Variants in TMEM87A observed in about 807,000 individuals in gnomAD.
TMEM87A encodes the protein Golgi-pH regulating cation channel.
Under a neutral mutation model 90.0 loss-of-function variants are expected in TMEM87A, and 50 were observed. The ratio of observed to expected loss-of-function variants is 0.56; its 90% CI spans 0.44 to 0.70. The LOEUF (loss-of-function observed/expected upper bound fraction) is 0.70, where lower values mean the gene tolerates loss of function less well. Among genes scored for constraint, TMEM87A ranks in the 30% least tolerant of loss-of-function variants. The pLI is 0.00. For synonymous variants in TMEM87A, 226 were observed against 226.7 expected, an observed-to-expected ratio of 1.00 and a Z score of 0.03; for missense variants, 577 against 660.5, an observed-to-expected ratio of 0.87 and a Z score of 1.39.
Position 42,261,003 on chromosome 15 carries a change from CT to C in TMEM87A, c.460-2del. ...TAAGGTTTGTTCCATTCTCCTTAGC[CT>C]TTAAACATTAAAAAAATAATAATAA... On this transcript the variant is annotated splice_acceptor_variant, in intron 5 of 19. Transcript: ENST00000389834. LOFTEE classifies it high-confidence loss of function. 3 of 1,507,770 alleles carry C rather than the reference CT, an allele frequency of 2.0e-6. No homozygotes were observed. Among genetic ancestry groups the C allele is most frequent in the Admixed American group, 2.2e-5 (1 of 46,058 alleles). The allele number at this position is 1,507,770 out of a possible 1,614,324, so 93.4% of individuals were successfully genotyped here.
chr15:42,273,216 G>A, intron 1 of TMEM87A, 39 bp downstream of exon 1: 1 of 1,610,346 alleles, frequency 6.2e-7, no homozygotes, highest in Non-Finnish European at 8.5e-7. Flanking sequence ...CCCACCCCTT[G>A]CTCCTCTAGG....
chr15:42,241,900 G>T (rs4924638), intron 7 of TMEM87A, among the ~76,000 whole-genome samples: 1 of 151,732 alleles, frequency 6.6e-6, no homozygotes, highest in Non-Finnish European at 1.5e-5. Context: ...AAAACACAAT[G>T]TACTAAAAAT....
Position 42,260,946 on chromosome 15 carries a change from A to G in TMEM87A, c.504+12T>C, listed in dbSNP as rs749355794. The G allele has an allele frequency of 6.2e-7, 1 of 1,607,064 alleles. No homozygotes were observed. The highest frequency in any genetic ancestry group is 1.1e-5 in the South Asian group (1 of 89,318). On this transcript the variant is annotated intron_variant, in intron 6 of 19. Coordinates refer to ENST00000389834, the MANE Select transcript of TMEM87A (RefSeq NM_015497.5). ...TATGTGTTCAATGCCCCAAATCCCC[A>G]AATATACTTACGGTTTTGTCTCCAA...
At chr15:42,269,143 T>C (rs1216806019) in intron 2 of TMEM87A, among the ~76,000 whole-genome samples, 1 of 152,090 alleles carries the variant, frequency 6.6e-6, no homozygotes, top group Non-Finnish European at 1.5e-5. Context: ...TCTGAAGACT[T>C]GGGAGGGTAA....
chr15:42,270,781 A>T (rs879865171), intron 2 of TMEM87A, among the ~76,000 whole-genome samples: 1 of 152,222 alleles, frequency 6.6e-6, no homozygotes, highest in African/African-American at 2.4e-5. Context: ...ATTTGATCTA[A>T]ATCAAATATA....
intron 6 of TMEM87A, among the ~76,000 whole-genome samples, chr15:42,247,228 C>T (rs1029297072): frequency 6.6e-5 from 10 of 152,144 alleles, no homozygotes. Flanking sequence ...AAATTTTCTC[C>T]TATTCTGCAG....
intron 6 of TMEM87A, among the ~76,000 whole-genome samples, chr15:42,252,406 T>C (rs1228745662): frequency 6.6e-6 from 1 of 152,212 alleles, no homozygotes; most frequent in Non-Finnish European, 1.5e-5. Flanking sequence ...TTTTTACAGA[T>C]GAATGATATT....
At chr15:42,254,762 T>C (rs772047530) in intron 6 of TMEM87A, among the ~76,000 whole-genome samples, 11 of 152,158 alleles carry the variant, frequency 7.2e-5, no homozygotes, top group Non-Finnish European at 1.6e-4. Flanking sequence ...CTATTCTGTA[T>C]GATACTACAA....
At chr15:42,273,451 C>A, upstream of TMEM87A, 1 of 1,607,498 alleles carries the variant, frequency 6.2e-7, no homozygotes. Flanking sequence ...TCCGGTTCGT[C>A]CCGCCTTCTT....
At chr15:42,231,346 A>G in intron 11 of TMEM87A, 86 bp from the exon 12 acceptor site, 1 of 1,111,100 alleles carries the variant, frequency 9.0e-7, no homozygotes, top group Non-Finnish European at 1.3e-6. Context: ...GCATTTACAT[A>G]ATCACTGGAA....
intron 8 of TMEM87A, among the ~76,000 whole-genome samples, chr15:42,238,192 G>C (rs2050810324): frequency 6.6e-6 from 1 of 152,070 alleles, no homozygotes; most frequent in African/African-American, 2.4e-5. Context: ...ATAGTGCTTT[G>C]GGAAGCCGAG....
chr15:42,256,775 T>C (rs2051192477), intron 6 of TMEM87A, among the ~76,000 whole-genome samples: 1 of 152,176 alleles, frequency 6.6e-6, no homozygotes, highest in Admixed American at 6.5e-5. Flanking sequence ...TAGAGTGAAG[T>C]GGTGTGACTT....
intron 19 of TMEM87A, among the ~76,000 whole-genome samples, chr15:42,217,376 G>A (rs1243295343): frequency 6.6e-6 from 1 of 152,200 alleles, no homozygotes; most frequent in Non-Finnish European, 1.5e-5. Flanking sequence ...GAAGAAGGTA[G>A]TGACAAAAAT....
intron 5 of TMEM87A, 87 bp downstream of exon 5, chr15:42,261,109 C>G (rs1258044904): frequency 6.5e-7 from 1 of 1,542,766 alleles, no homozygotes; most frequent in Non-Finnish European, 8.9e-7. Context: ...GCAGCACTCC[C>G]TCCTTAGAGA....
chr15:42,255,504 TC>T (rs1457369794), intron 6 of TMEM87A, among the ~76,000 whole-genome samples: 6 of 152,082 alleles, frequency 3.9e-5, no homozygotes, highest in Non-Finnish European at 8.8e-5. Context: ...GTTCAAGTGA[TC>T]CTCCCACCCT....
intron 3 of TMEM87A, among the ~76,000 whole-genome samples, chr15:42,266,132 C>CA (rs2051398825): frequency 6.6e-6 from 1 of 152,118 alleles, no homozygotes; most frequent in Non-Finnish European, 1.5e-5. Flanking sequence ...GTGATGCTTC[C>CA]AGCTTTATTC....
chr15:42,228,166 G>A (rs1480285569), intron 13 of TMEM87A, among the ~76,000 whole-genome samples: 1 of 152,014 alleles, frequency 6.6e-6, no homozygotes, highest in Non-Finnish European at 1.5e-5. Context: ...GAAAAAAAAT[G>A]GCTGATAAAA....
At chr15:42,219,032 A>T (rs1619537) in intron 17 of TMEM87A, 144,327 of 153,822 alleles carry the variant, frequency 0.94, 68,175 homozygotes, top group Non-Finnish European at 1. Flanking sequence ...CTATCAACAG[A>T]GTACAAGGGT....
chr15:42,242,445 T>TG (rs1042701924), intron 7 of TMEM87A, among the ~76,000 whole-genome samples: 1 of 151,580 alleles, frequency 6.6e-6, no homozygotes, highest in Non-Finnish European at 1.5e-5. Flanking sequence ...CTGGTAACTG[T>TG]GCCTTGAGAC....
Sources: gnomAD v4.1 joint callset for allele counts (sites outside exome capture counted in the v4.1 genomes callset) on GRCh38, gnomAD v4.1.1 for gene constraint, MANE v1.5 for transcripts, NCBI Gene and HGNC (gene_info 2026-07-23, HGNC 2026-07-21) for gene names.